The following LRP1B variants were observed in gnomAD, a reference collection of about 807,000 sequenced individuals.
The protein encoded by LRP1B is low-density lipoprotein receptor-related protein 1B.
Under a neutral mutation model 556.6 loss-of-function variants are expected in LRP1B, and 217 were observed. That is an observed-to-expected ratio of 0.39 (90% CI 0.35 to 0.44). LRP1B has a LOEUF of 0.44. Among genes scored for constraint, LRP1B ranks in the 20% least tolerant of loss-of-function variants. The pLI, the probability that LRP1B is intolerant of heterozygous loss-of-function variation, is 1.00. For missense variants in LRP1B, 5,053 were observed against 5,620.8 expected (o/e 0.90, Z 3.23); for synonymous variants, 2,047 against 1,865.8 (o/e 1.10, Z -2.50).
chr2:140,816,193 C>T (rs1216164412), intron 31 of LRP1B, among the ~76,000 whole-genome samples: 2 of 151,968 alleles, frequency 1.3e-5, no homozygotes, highest in East Asian at 1.9e-4. Context: ...TCTCGGCTCA[C>T]TACAACCTCC....
intron 17 of LRP1B, among the ~76,000 whole-genome samples, chr2:140,982,626 C>CA (rs58327493): frequency 0.082 from 12,385 of 151,868 alleles, 746 homozygotes; most frequent in African/African-American, 0.17. Context: ...TCTTAATTAA[C>CA]AAAAAAAGAA....
intron 1 of LRP1B, among the ~76,000 whole-genome samples, chr2:142,085,599 T>A (rs1175625682): frequency 6.6e-6 from 1 of 152,210 alleles, no homozygotes; most frequent in Non-Finnish European, 1.5e-5. Flanking sequence ...TTATTATATC[T>A]TATTATTTAT....
intron 11 of LRP1B, among the ~76,000 whole-genome samples, chr2:141,046,990 G>A (rs568962042): frequency 6.6e-6 from 1 of 152,062 alleles, no homozygotes; most frequent in African/African-American, 2.4e-5. Flanking sequence ...GCTGAGGCAA[G>A]GGAATCACTT....
At chr2:141,393,618 T>C (rs1027050486) in intron 3 of LRP1B, among the ~76,000 whole-genome samples, 1 of 152,196 alleles carries the variant, frequency 6.6e-6, no homozygotes, top group East Asian at 1.9e-4. Flanking sequence ...AAAACGACAA[T>C]TACAACAAAA....
At chr2:140,909,774 T>C (rs1328073491) in intron 21 of LRP1B, among the ~76,000 whole-genome samples, 1 of 150,862 alleles carries the variant, frequency 6.6e-6, no homozygotes. Context: ...ATTCAAAAAA[T>C]AGGTAGCTAG....
At chr2:140,387,828 C>A (rs1261671744) in intron 66 of LRP1B, among the ~76,000 whole-genome samples, 1 of 151,838 alleles carries the variant, frequency 6.6e-6, no homozygotes, top group African/African-American at 2.4e-5. Flanking sequence ...TTGTACTGAA[C>A]AATTTGGATG....
intron 22 of LRP1B, among the ~76,000 whole-genome samples, chr2:140,903,391 G>A (rs1255841642): frequency 6.6e-6 from 1 of 152,084 alleles, no homozygotes; most frequent in East Asian, 1.9e-4. Flanking sequence ...GTAAATGGAA[G>A]ATTTTCATTT....
intron 76 of LRP1B, among the ~76,000 whole-genome samples, chr2:140,352,463 T>C (rs1043352920): frequency 6.6e-6 from 1 of 152,162 alleles, no homozygotes; most frequent in Non-Finnish European, 1.5e-5. Flanking sequence ...CATGAGCCAC[T>C]GCACCAGGCC....
At chr2:140,972,021 G>C (rs774150634) in intron 18 of LRP1B, among the ~76,000 whole-genome samples, 10 of 152,148 alleles carry the variant, frequency 6.6e-5, no homozygotes, top group Admixed American at 3.3e-4. Flanking sequence ...GTTAGAACAA[G>C]AAACTACAAG....
At chr2:140,607,517 C>T (rs115806670) in intron 41 of LRP1B, among the ~76,000 whole-genome samples, 3 of 152,038 alleles carry the variant, frequency 2.0e-5, no homozygotes, top group African/African-American at 7.2e-5. Context: ...AGAAACAGCC[C>T]AGATGTCAAT....
intron 3 of LRP1B, among the ~76,000 whole-genome samples, chr2:141,388,344 G>A (rs1458439338): frequency 6.6e-6 from 1 of 152,152 alleles, no homozygotes; most frequent in Admixed American, 6.5e-5. Flanking sequence ...GCTGAGGCAA[G>A]AGAATCGCTT....
intron 1 of LRP1B, among the ~76,000 whole-genome samples, chr2:142,112,197 T>C (rs559278755): frequency 5.3e-5 from 8 of 152,138 alleles, no homozygotes; most frequent in African/African-American, 1.9e-4. Context: ...GCGATAGATC[T>C]AATATCTAGT....
intron 1 of LRP1B, among the ~76,000 whole-genome samples, chr2:142,079,508 T>TAA (rs1559059167): frequency 1.3e-5 from 2 of 150,656 alleles, no homozygotes; most frequent in East Asian, 2.0e-4. Flanking sequence ...TCTTTTTTTT[T>TAA]ATTTTTTTAT....
rs762280754 is a variant in LRP1B at position 140,270,360 on chromosome 2, GAAA to G, written c.13143-17_13143-15del. The G allele has an allele frequency of 1.3e-6, 2 of 1,514,850 alleles. No homozygotes were observed. The highest frequency in any genetic ancestry group is 9.1e-7 in the Non-Finnish European group (1 of 1,094,436). The allele number at this position is 1,514,850 out of a possible 1,614,324, so 93.8% of individuals were successfully genotyped here. A position where few individuals can be genotyped will look rare whatever the true frequency, so the allele number is the denominator to read the frequency against. ...CCATTAGTGCAGCTGCAACAACAAA[GAAA>G]AAAAGAACAATTTCATTGTTATTGG... is the stretch of plus-strand genomic sequence containing the variant. On this transcript the variant is annotated splice_polypyrimidine_tract_variant and intron_variant, in intron 85 of 90. Transcript: ENST00000389484.
intron 1 of LRP1B, among the ~76,000 whole-genome samples, chr2:142,085,380 A>G (rs909898257): frequency 6.6e-6 from 1 of 152,220 alleles, no homozygotes. Flanking sequence ...TATATCCGTC[A>G]TCTCTACCGG....
intron 2 of LRP1B, among the ~76,000 whole-genome samples, chr2:141,746,168 C>T (rs1168844583): frequency 1.3e-5 from 2 of 152,058 alleles, no homozygotes; most frequent in East Asian, 1.9e-4. Context: ...CAGTAGGTAG[C>T]GTGCCCCCAA....
chr2:140,433,640 G>C (rs1686048308), intron 66 of LRP1B, among the ~76,000 whole-genome samples: 2 of 151,884 alleles, frequency 1.3e-5, no homozygotes, highest in Non-Finnish European at 2.9e-5. Flanking sequence ...ATTGTACATA[G>C]GCACATATTC....
chr2:140,855,470 C>CAGGTAGG (rs1692586684), intron 27 of LRP1B, among the ~76,000 whole-genome samples: 1 of 101,756 alleles, frequency 9.8e-6, no homozygotes, highest in African/African-American at 3.6e-5. Flanking sequence ...CTAGGCAAGA[C>CAGGTAGG]AGGTAGGTCC....
chr2:141,539,276 AG>A (rs1685170514), intron 2 of LRP1B, among the ~76,000 whole-genome samples: 3 of 152,150 alleles, frequency 2.0e-5, no homozygotes, highest in African/African-American at 7.2e-5. Context: ...TTAGAGAAAC[AG>A]GCAACAGAGT....
Sources: gnomAD v4.1 joint callset for allele counts (sites outside exome capture counted in the v4.1 genomes callset) on GRCh38, gnomAD v4.1.1 for gene constraint, MANE v1.5 for transcripts, NCBI Gene and HGNC (gene_info 2026-07-23, HGNC 2026-07-21) for gene names.